The following COL14A1 variants were observed in gnomAD, a reference collection of about 807,000 sequenced individuals.
COL14A1 encodes the protein collagen alpha-1(XIV) chain.
Under a neutral mutation model 230.3 loss-of-function variants are expected in COL14A1, and 136 were observed. The observed-to-expected ratio is 0.59, with a 90% CI of 0.51 to 0.68. COL14A1 has a LOEUF of 0.68. Among genes scored for constraint, COL14A1 ranks in the 30% least tolerant of loss-of-function variants. The probability of loss-of-function intolerance (pLI) is 0.00; values close to 1 mark genes in which losing one functional copy is unlikely to be tolerated. For synonymous variants in COL14A1, 792 were observed against 784.1 expected (o/e 1.01, Z -0.17); for missense variants, 1,976 against 2,215.8 (o/e 0.89, Z 2.17).
rs190799341 is a variant in COL14A1 at position 120,148,761 on chromosome 8, G to A, written c.88+831G>A. On this transcript the variant is annotated intron_variant, in intron 2 of 47. Coordinates refer to ENST00000297848, the MANE Select transcript of COL14A1 (RefSeq NM_021110.4). Reference sequence around the variant, plus strand: ...ATATGCCATTTCAAGCATTCCTAATGATTTCTAGCTTTGTTTTAATTAAAC... The same window carrying A: ...ATATGCCATTTCAAGCATTCCTAATAATTTCTAGCTTTGTTTTAATTAAAC... Among the ~76,000 whole-genome samples the A allele has an allele frequency of 7.0e-4, 106 of 152,304 alleles. 1 individual carries two copies. The East Asian group carries it at 0.016, about 24-fold the overall frequency.
At chr8:120,204,064 C>A (rs1271257700) in intron 9 of COL14A1, among the ~76,000 whole-genome samples, 194 bp downstream of exon 9, 1 of 152,096 alleles carries the variant, frequency 6.6e-6, no homozygotes, top group African/African-American at 2.4e-5. Context: ...ACTCTTTAAA[C>A]ACAAGATGAT....
intron 22 of COL14A1, among the ~76,000 whole-genome samples, chr8:120,252,963 G>T (rs1405580171): frequency 1.3e-5 from 2 of 152,160 alleles, no homozygotes; most frequent in African/African-American, 4.8e-5. Context: ...TATCTTAAAA[G>T]AAATAGTCTC....
intron 5 of COL14A1, among the ~76,000 whole-genome samples, chr8:120,188,580 A>G (rs947361224): frequency 6.6e-6 from 1 of 152,210 alleles, no homozygotes; most frequent in African/African-American, 2.4e-5. Context: ...AATCAAGGCC[A>G]TATATTGAGT....
intron 36 of COL14A1, among the ~76,000 whole-genome samples, chr8:120,305,958 TTAA>T (rs1275993773): frequency 1.3e-5 from 2 of 152,204 alleles, no homozygotes; most frequent in Non-Finnish European, 2.9e-5. Flanking sequence ...GATCATCTTC[TTAA>T]TAATTTATGT....
chr8:120,154,285 C>T (rs1191267436), intron 2 of COL14A1, among the ~76,000 whole-genome samples: 1 of 152,124 alleles, frequency 6.6e-6, no homozygotes, highest in East Asian at 1.9e-4. Context: ...GATTATGAAA[C>T]AGAATTTCGT....
intron 1 of COL14A1, among the ~76,000 whole-genome samples, chr8:120,134,390 A>G (rs544714419): frequency 1.6e-4 from 24 of 152,308 alleles, no homozygotes; most frequent in African/African-American, 4.8e-4. Flanking sequence ...AAATTATTCT[A>G]TAAGTGGTAT....
intron 14 of COL14A1, among the ~76,000 whole-genome samples, chr8:120,219,439 C>G (rs1817860518): frequency 6.6e-6 from 1 of 152,174 alleles, no homozygotes; most frequent in Admixed American, 6.5e-5. Context: ...TTATTGTTCA[C>G]AGTTCTAGAA....
chr8:120,335,044 A>G (rs1426003588), intron 42 of COL14A1, among the ~76,000 whole-genome samples: 2 of 152,188 alleles, frequency 1.3e-5, no homozygotes, highest in Non-Finnish European at 2.9e-5. Context: ...AACCCAGGCT[A>G]GGAAAAAGCA....
At chr8:120,332,541 C>T (rs1487145890) in intron 41 of COL14A1, 123 bp from the exon 42 acceptor site, 2 of 784,272 alleles carry the variant, frequency 2.6e-6, no homozygotes, top group South Asian at 1.8e-5. Context: ...GGAATGAGGT[C>T]CTGGTGATGA....
intron 1 of COL14A1, among the ~76,000 whole-genome samples, chr8:120,137,840 C>T (rs998395653): frequency 1.3e-5 from 2 of 151,810 alleles, no homozygotes; most frequent in Non-Finnish European, 2.9e-5. Context: ...CTGCTGGGCT[C>T]AAGCCATCTT....
At chr8:120,225,008 A>C in intron 14 of COL14A1, 80 bp from the exon 15 acceptor site, 1 of 1,364,398 alleles carries the variant, frequency 7.3e-7, no homozygotes, top group Non-Finnish European at 1.0e-6. Flanking sequence ...CTGTCAGCTA[A>C]GCGAGCTACA....
chr8:120,173,648 C>CTCAA (rs1816169439), intron 5 of COL14A1, among the ~76,000 whole-genome samples: 1 of 146,252 alleles, frequency 6.8e-6, no homozygotes, highest in African/African-American at 2.5e-5. Flanking sequence ...TATTATCTGT[C>CTCAA]TCTATCTATC....
chr8:120,194,163 A>T (rs73321681), intron 5 of COL14A1, among the ~76,000 whole-genome samples: 1,981 of 152,260 alleles, frequency 0.013, 41 homozygotes, highest in African/African-American at 0.044. Flanking sequence ...GAAGCTGTCG[A>T]CCGGAGCCAT....
intron 36 of COL14A1, among the ~76,000 whole-genome samples, chr8:120,303,003 G>A (rs781450775): frequency 4.5e-4 from 69 of 152,138 alleles, no homozygotes; most frequent in Admixed American, 9.8e-4. Context: ...TGTGGCAATT[G>A]TGGATGGGAT....
intron 24 of COL14A1, among the ~76,000 whole-genome samples, chr8:120,266,477 G>A (rs895092844): frequency 6.6e-6 from 1 of 152,044 alleles, no homozygotes; most frequent in African/African-American, 2.4e-5. Flanking sequence ...TGGAAATGAA[G>A]TTTATTGTGT....
chr8:120,216,537 G>A (rs2130778228), intron 14 of COL14A1, 47 bp downstream of exon 14: 1 of 1,564,792 alleles, frequency 6.4e-7, no homozygotes, highest in Admixed American at 1.8e-5. Flanking sequence ...TGGCGTGCTA[G>A]TTATTTATGG....
At position 120,231,850 on chromosome 8, in the gene COL14A1, G is replaced by T. The variant is rs7842055; in HGVS notation, c.2349+232G>T. 0.47 allele frequency: 208,598 copies of T among 447,936 alleles called. 49,973 individuals are homozygous for T. Among genetic ancestry groups the T allele is most frequent in the African/African-American group, 0.63 (31,810 of 50,834 alleles). The allele number at this position is 447,936 out of a possible 1,614,324, so 27.7% of individuals were successfully genotyped here. A position where few individuals can be genotyped will look rare whatever the true frequency, so the allele number is the denominator to read the frequency against. On this transcript the variant is annotated intron_variant, in intron 19 of 47. Coordinates refer to ENST00000297848, the MANE Select transcript of COL14A1 (RefSeq NM_021110.4). ...TCCAAGTTAATAACCTCTGAACATT[G>T]TTTCAAATATTGCTTCTCTTCTGCT...
intron 5 of COL14A1, among the ~76,000 whole-genome samples, chr8:120,191,578 G>A (rs377425813): frequency 6.6e-6 from 1 of 152,068 alleles, no homozygotes; most frequent in East Asian, 1.9e-4. Flanking sequence ...GTGCAGAGCT[G>A]AGTTCAATTC....
intron 42 of COL14A1, among the ~76,000 whole-genome samples, chr8:120,339,235 C>A (rs1043724270): frequency 3.3e-5 from 5 of 152,182 alleles, no homozygotes; most frequent in African/African-American, 1.2e-4. Flanking sequence ...GTGATCAAGG[C>A]CTTTGCGATC....
Sources: gnomAD v4.1 joint callset for allele counts (sites outside exome capture counted in the v4.1 genomes callset) on GRCh38, gnomAD v4.1.1 for gene constraint, MANE v1.5 for transcripts, NCBI Gene and HGNC (gene_info 2026-07-23, HGNC 2026-07-21) for gene names.